The following PTPRS variants were observed in gnomAD, a reference collection of about 807,000 sequenced individuals.
PTPRS encodes the protein receptor-type tyrosine-protein phosphatase S.
A neutral mutation model predicts 215.3 loss-of-function variants in PTPRS; 63 were observed. The observed-to-expected ratio is 0.29, with a 90% confidence interval of 0.24 to 0.36. The LOEUF is 0.36. Ranked by LOEUF, PTPRS falls within the 10% of genes least tolerant of loss-of-function variation. The probability of loss-of-function intolerance (pLI) is 1.00; values close to 1 mark genes in which losing one functional copy is unlikely to be tolerated. For synonymous variants in PTPRS, 1,404 were observed against 1,191.4 expected, an observed-to-expected ratio of 1.18 and a Z score of -3.68; for missense variants, 2,258 against 2,825.8, an observed-to-expected ratio of 0.80 and a Z score of 4.56.
chr19:5,249,561 T>A (rs117042637), intron 9 of PTPRS, among the ~76,000 whole-genome samples: 1 of 152,312 alleles, frequency 6.6e-6, no homozygotes, highest in Non-Finnish European at 1.5e-5. Context: ...AAAACAAGGC[T>A]TTTCTCACCA....
At chr19:5,217,372 C>A (rs1311606234) in intron 25 of PTPRS, among the ~76,000 whole-genome samples, 3 of 152,088 alleles carry the variant, frequency 2.0e-5, no homozygotes, top group Admixed American at 6.5e-5. Context: ...GGCTGAAAAA[C>A]CAAAGCAACA....
chr19:5,277,895 T>C (rs1178197700), intron 2 of PTPRS: 13 of 1,203,054 alleles, frequency 1.1e-5, no homozygotes, highest in Non-Finnish European at 1.3e-5. Flanking sequence ...GGCCAGATCT[T>C]GATGCCCAAC....
At chr19:5,298,762 G>T (rs2049218119) in intron 1 of PTPRS, among the ~76,000 whole-genome samples, 1 of 152,214 alleles carries the variant, frequency 6.6e-6, no homozygotes, top group Non-Finnish European at 1.5e-5. Context: ...CGCAGGCCAG[G>T]CTACCTTCCC....
chr19:5,307,897 T>G (rs528701386), intron 1 of PTPRS, among the ~76,000 whole-genome samples: 2 of 152,176 alleles, frequency 1.3e-5, no homozygotes, highest in African/African-American at 4.8e-5. Flanking sequence ...CCAGTTTACG[T>G]GTTTGTCTAT....
Position 5,223,156 on chromosome 19 carries a change from G to C in PTPRS, c.2636C>G (p.Ala879Gly). Reference protein sequence around the residue: ...QFGREDSTPLATLEFPPSEDR... With the variant: ...QFGREDSTPLGTLEFPPSEDR... ...CTCGGAGGGCGGGAACTCCAGGGTG[G>C]CCAGGGGCGTCGAGTCCTCACGGCC... is the stretch of plus-strand genomic sequence containing the variant. The change falls in exon 18 of 38, where the codon GCC (alanine) becomes GGC (glycine). Residue 879 changes from alanine (A) to glycine (G), a missense_variant. Physicochemically the swap from Ala to Gly is moderately conservative, Grantham distance 60 (BLOSUM62 0). Around this residue, in one of 6 missense-constraint regions of PTPRS, gnomAD observed 361 missense variants for 332.6 expected, o/e 1.09. Transcript: ENST00000262963. The C allele has an allele frequency of 6.4e-7, 1 of 1,570,432 alleles. No individual in the cohort carries two copies. The highest frequency in any genetic ancestry group is 8.6e-7 in the Non-Finnish European group (1 of 1,158,064).
chr19:5,217,736 C>T (rs1367938692), intron 25 of PTPRS, among the ~76,000 whole-genome samples: 3 of 152,270 alleles, frequency 2.0e-5, no homozygotes, highest in East Asian at 3.9e-4. Context: ...GGCTGTGAAC[C>T]CATAAGGAGA....
At chr19:5,225,012 C>G (rs1568413503) in intron 17 of PTPRS, among the ~76,000 whole-genome samples, 1 of 152,152 alleles carries the variant, frequency 6.6e-6, no homozygotes, top group Non-Finnish European at 1.5e-5. Flanking sequence ...CACCACGCCC[C>G]ACCCCCCAAG....
chr19:5,299,228 A>G (rs956630562), intron 1 of PTPRS, among the ~76,000 whole-genome samples: 1 of 152,060 alleles, frequency 6.6e-6, no homozygotes, highest in Non-Finnish European at 1.5e-5. Context: ...CTGGTGGCCC[A>G]CAAGGCCCTG....
intron 1 of PTPRS, among the ~76,000 whole-genome samples, chr19:5,299,824 C>T (rs577316566): frequency 1.3e-5 from 2 of 151,960 alleles, no homozygotes; most frequent in African/African-American, 4.8e-5. Context: ...GAGCTGAGAT[C>T]GCGCCATTGC....
In PTPRS at chr19:5,229,478, G is replaced by T. The variant is rs1215649193; in HGVS notation, c.2349+13C>A. 7.1e-7 allele frequency: 1 copy of T among 1,408,510 alleles called. No homozygotes were observed. Among genetic ancestry groups the T allele is most frequent in the African/African-American group, 1.5e-5 (1 of 65,654 alleles). 87.3% of individuals were successfully genotyped at this position (1,408,510 alleles called of 1,614,324 possible). A position where few individuals can be genotyped will look rare whatever the true frequency, so the allele number is the denominator to read the frequency against. ...GGAGCCCGTCCCCGGCCCCGCCCCGGCCCCCCGCCCACCTGGGCATCGGCC... is the reference window on the plus strand; with the variant it reads ...GGAGCCCGTCCCCGGCCCCGCCCCGTCCCCCCGCCCACCTGGGCATCGGCC... On this transcript the variant is annotated intron_variant, in intron 15 of 37. Coordinates refer to ENST00000262963, the MANE Select transcript of PTPRS (RefSeq NM_002850.4).
rs1203152786 is a variant in PTPRS, at chr19:5,206,796, C to G, written c.5825G>C (p.Ser1942Thr). 1 of 1,613,992 alleles carries G rather than the reference C, an allele frequency of 6.2e-7. No homozygotes were observed. Among genetic ancestry groups the G allele is most frequent in the Non-Finnish European group, 8.5e-7 (1 of 1,179,978 alleles). Residue 1942 changes from serine (S) to threonine (T), a missense_variant, in exon 38 of 38, where the codon AGC becomes ACC. Ser to Thr is a moderately conservative substitution (Grantham distance 58). This residue lies in a region of PTPRS where 89 missense variants were observed against 104.0 expected (regional missense o/e 0.86). Transcript: ENST00000262963. The stretch of plus-strand genomic sequence containing the variant: ...GCTTTAGGTTGCATAGTGGTCAAAG[C>G]TTCCGAGGTACTCCAGTGCCGCCTG... ...CYQAALEYLG[S>T]FDHYAT
At chr19:5,326,264 A>T (rs992810299) in intron 1 of PTPRS, among the ~76,000 whole-genome samples, 2 of 151,822 alleles carry the variant, frequency 1.3e-5, no homozygotes, top group Non-Finnish European at 2.9e-5. Context: ...CTCAACCAGC[A>T]AGGGGGTCAT....
chr19:5,245,733 C>G (rs372093335), intron 10 of PTPRS, 43 bp downstream of exon 10: 1 of 1,526,006 alleles, frequency 6.6e-7, no homozygotes, highest in African/African-American at 1.4e-5. Flanking sequence ...GGGATCGACT[C>G]CAGCCTGCCC....
intron 1 of PTPRS, among the ~76,000 whole-genome samples, chr19:5,298,357 C>G (rs75720755): frequency 6.6e-6 from 1 of 152,294 alleles, no homozygotes; most frequent in South Asian, 2.1e-4. Flanking sequence ...TGATGGGGAA[C>G]CCTCAGATAA....
At chr19:5,291,927 C>T (rs2048853485) in intron 1 of PTPRS, among the ~76,000 whole-genome samples, 1 of 151,882 alleles carries the variant, frequency 6.6e-6, no homozygotes, top group Non-Finnish European at 1.5e-5. Context: ...ACTTGTGGCC[C>T]CTGGCTCCCA....
chr19:5,322,953 C>T (rs1367974688), intron 1 of PTPRS, among the ~76,000 whole-genome samples: 1 of 151,178 alleles, frequency 6.6e-6, no homozygotes, highest in Admixed American at 6.6e-5. Flanking sequence ...TTCAGAGCCT[C>T]ATTTCTTCCC....
At position 5,214,714 on chromosome 19, in the gene PTPRS, G is replaced by A. The variant is rs750525323; in HGVS notation, c.4341C>T (p.Ile1447=). The part of the protein sequence containing the change: ...PIEGIMGSDY[I]NANYVDGYRC... ...GGTAGCCGTCCACGTAGTTGGCATT[G>A]ATGTAATCACTGCCCATGATGCCTG... Residue 1447 remains isoleucine, a synonymous_variant, in exon 29 of 38, where the codon ATC becomes ATT. Transcript: ENST00000262963. 6.2e-7 allele frequency: 1 copy of A among 1,608,422 alleles called. No individual in the cohort carries two copies. The highest frequency in any genetic ancestry group is 2.2e-5 in the East Asian group (1 of 44,696).
At chr19:5,209,684 G>A (rs1222249255) in intron 35 of PTPRS, among the ~76,000 whole-genome samples, 3 of 151,976 alleles carry the variant, frequency 2.0e-5, no homozygotes, top group Non-Finnish European at 4.4e-5. Context: ...ATCCATCACT[G>A]ATAAAGCATC....
rs1178771597 is a variant in PTPRS at position 5,293,460 on chromosome 19, C to T, written c.-94-7226G>A. Among the ~76,000 whole-genome samples, 2 of 151,920 alleles carry T rather than the reference C, an allele frequency of 1.3e-5. No homozygotes were observed. Among genetic ancestry groups the T allele is most frequent in the African/African-American group, 2.4e-5 (1 of 41,386 alleles). ...AGAGCCTCCGCAGGAGTCCATGAAA[C>T]ACTGAGCGAAGGGGCGCCCCAGGGA... On this transcript the variant is annotated intron_variant, in intron 1 of 37. Coordinates refer to ENST00000262963, the MANE Select transcript of PTPRS (RefSeq NM_002850.4). The surrounding 1 kb of genome is among the most constrained non-coding windows in gnomAD (Gnocchi z 8.4).
Sources: gnomAD v4.1 joint callset for allele counts (sites outside exome capture counted in the v4.1 genomes callset) on GRCh38, gnomAD v4.1.1 for gene constraint, gnomAD v4.1.1 regional missense constraint, Gnocchi (gnomAD v3.1) non-coding constraint, MANE v1.5 for transcripts, NCBI Gene and HGNC (gene_info 2026-07-23, HGNC 2026-07-21) for gene names.